NF1: variants seen among roughly 807,000 people sequenced by gnomAD.
NF1 encodes the protein neurofibromin 1, also known as neurofibromin.
A neutral mutation model predicts 325.7 loss-of-function variants in NF1; 122 were observed. The observed-to-expected ratio is 0.37, with a 90% CI of 0.32 to 0.44. The LOEUF is 0.44. Among genes scored for constraint, NF1 ranks in the 20% least tolerant of loss-of-function variants. The pLI is 1.00. For missense variants in NF1, 2,140 were observed against 3,415.4 expected (o/e 0.63, Z 9.31); for synonymous variants, 1,091 against 1,186.0 (o/e 0.92, Z 1.65).
intron 8 of NF1, among the ~76,000 whole-genome samples, chr17:31,184,513 G>T (rs1173992588): frequency 6.6e-6 from 1 of 151,022 alleles, no homozygotes. Context: ...GCCGGGCGAG[G>T]TGGCGGGCGC....
At chr17:31,256,102 G>A (rs983754418) in intron 31 of NF1, among the ~76,000 whole-genome samples, 2 of 151,744 alleles carry the variant, frequency 1.3e-5, no homozygotes, top group African/African-American at 4.8e-5. Flanking sequence ...CTCCTTAAAG[G>A]CTTTAAAATG....
rs947327622 is a variant in NF1, at chr17:31,171,687, C to T, written c.586+1690C>T. Among the ~76,000 whole-genome samples the T allele has an allele frequency of 3.3e-5, 5 of 151,842 alleles. 1 individual carries two copies. The highest frequency in any genetic ancestry group is 4.2e-4 in the South Asian group (2 of 4,806). On this transcript the variant is annotated intron_variant, in intron 5 of 57. Transcript: ENST00000358273. ...CTGATAAATATATAAAGTATAAAAC[C>T]GATATTAAATAGGCCAGCAAAATAT...
chr17:31,357,437 T>C, intron 54 of NF1, 68 bp downstream of exon 54: 1 of 1,247,188 alleles, frequency 8.0e-7, no homozygotes, highest in South Asian at 1.2e-5. Context: ...TACCCAGTAA[T>C]GTGCACTGGT....
chr17:31,374,038 C>G lies in NF1; in HGVS notation c.8403C>G (p.Leu2801=), dbSNP rs1363267537. The change falls in exon 58 of 58, where the codon CTC becomes CTG. Residue 2801 remains leucine (L), a synonymous_variant. Coordinates refer to ENST00000358273, the MANE Select transcript of NF1 (RefSeq NM_001042492.3). The stretch of plus-strand genomic sequence containing the variant: ...GAATCGACAAGGAGAACGTTGAACT[C>G]TCCCCTACCACTGGCCACTGTAACA... ...SPGIDKENVE[L]SPTTGHCNSG... The G allele has an allele frequency of 6.2e-7, 1 of 1,613,984 alleles. No individual in the cohort carries two copies. Among genetic ancestry groups the G allele is most frequent in the East Asian group, 2.2e-5 (1 of 44,896 alleles).
intron 1 of NF1, among the ~76,000 whole-genome samples, chr17:31,150,698 TC>T (rs1916870084): frequency 6.6e-6 from 1 of 152,134 alleles, no homozygotes; most frequent in Non-Finnish European, 1.5e-5. Context: ...TAATATACTT[TC>T]TCCCTTATTG....
At position 31,356,849 on chromosome 17, in the gene NF1, A is replaced by G. The variant is rs889022248; in HGVS notation, c.7739-111A>G. The G allele has an allele frequency of 2.0e-6, 3 of 1,475,102 alleles. No individual in the cohort carries two copies. In the African/African-American group the frequency reaches 4.2e-5, roughly 21 times the overall value. The allele number at this position is 1,475,102 out of a possible 1,614,324, so 91.4% of individuals were successfully genotyped here. ...AATTCTCTATGATGTTTATGTTAGT[A>G]TTTTAAGTATCTACTAAAGAAAGCT... On this transcript the variant is annotated intron_variant, in intron 52 of 57. Coordinates refer to ENST00000358273, the MANE Select transcript of NF1 (RefSeq NM_001042492.3).
chr17:31,337,747 ATAATAAACATTATT>A, intron 43 of NF1, 58 bp from the exon 44 acceptor site: 1 of 1,521,726 alleles, frequency 6.6e-7, no homozygotes, highest in Non-Finnish European at 9.1e-7. Flanking sequence ...TAATGACATC[ATAATAAACATTATT>A]TAAACAGTTC....
chr17:31,319,024 C>T (rs141192482), intron 36 of NF1: 1 of 1,584,166 alleles, frequency 6.3e-7, no homozygotes, highest in African/African-American at 1.4e-5. Flanking sequence ...GCTTGGCAAT[C>T]TGTTGGGATA....
At chr17:31,103,241 TTTATTA>T (rs1482671701) in intron 1 of NF1, among the ~76,000 whole-genome samples, 1 of 152,098 alleles carries the variant, frequency 6.6e-6, no homozygotes, top group Non-Finnish European at 1.5e-5. Flanking sequence ...TCAAATCTGC[TTTATTA>T]TTATTATTAT....
chr17:31,271,621 G>A (rs1401835506), intron 36 of NF1, among the ~76,000 whole-genome samples: 2 of 151,956 alleles, frequency 1.3e-5, no homozygotes, highest in African/African-American at 2.4e-5. Context: ...GTGGTGGTGG[G>A]CATCTGTAAT....
intron 2 of NF1, among the ~76,000 whole-genome samples, chr17:31,156,358 A>T (rs1370400581): frequency 6.6e-6 from 1 of 152,064 alleles, no homozygotes; most frequent in Non-Finnish European, 1.5e-5. Flanking sequence ...CTTTCATTTT[A>T]ATTTATTATT....
chr17:31,101,308 T>G (rs992047588), intron 1 of NF1, among the ~76,000 whole-genome samples: 1 of 152,196 alleles, frequency 6.6e-6, no homozygotes, highest in African/African-American at 2.4e-5. Flanking sequence ...TTGGAGTTCC[T>G]TAGCGGGGGT....
At chr17:31,295,569 A>C (rs755987604) in intron 36 of NF1, 10 of 1,614,184 alleles carry the variant, frequency 6.2e-6, no homozygotes, top group Non-Finnish European at 8.5e-6. Context: ...ATTTGGGTAG[A>C]ACATGGAGTC....
chr17:31,292,418 T>C (rs1228795642), intron 36 of NF1, among the ~76,000 whole-genome samples: 3 of 152,194 alleles, frequency 2.0e-5, no homozygotes, highest in Non-Finnish European at 4.4e-5. Context: ...ACTATCTAAT[T>C]ATAGTTTCCC....
At chr17:31,217,691 G>A (rs1003721004) in intron 13 of NF1, among the ~76,000 whole-genome samples, 1 of 151,778 alleles carries the variant, frequency 6.6e-6, no homozygotes, top group Non-Finnish European at 1.5e-5. Context: ...TCGGCAGGGC[G>A]TGGTCGCTCA....
At chr17:31,280,626 G>T (rs1249284247) in intron 36 of NF1, among the ~76,000 whole-genome samples, 1 of 151,246 alleles carries the variant, frequency 6.6e-6, no homozygotes. Flanking sequence ...GCCATACTTT[G>T]CTGACCTCTG....
intron 36 of NF1, among the ~76,000 whole-genome samples, chr17:31,303,478 C>T (rs942967092): frequency 1.4e-4 from 21 of 151,520 alleles, no homozygotes; most frequent in Non-Finnish European, 2.4e-4. Context: ...TTGATAGTCT[C>T]TTTTCCTGAA....
chr17:31,149,977 G>A (rs958982636), intron 1 of NF1, among the ~76,000 whole-genome samples: 2 of 152,150 alleles, frequency 1.3e-5, no homozygotes, highest in Non-Finnish European at 2.9e-5. Flanking sequence ...GTAAAAGCTG[G>A]AACTTTCTGG....
chr17:31,194,342 T>C (rs1410091442), intron 8 of NF1, among the ~76,000 whole-genome samples: 1 of 151,912 alleles, frequency 6.6e-6, no homozygotes, highest in East Asian at 1.9e-4. Context: ...AAAAAGTTGA[T>C]CTCAGAAGTA....
Sources: gnomAD v4.1 joint callset for allele counts (sites outside exome capture counted in the v4.1 genomes callset) on GRCh38, gnomAD v4.1.1 for gene constraint, MANE v1.5 for transcripts, NCBI Gene and HGNC (gene_info 2026-07-23, HGNC 2026-07-21) for gene names.